The following DOCK8 variants were observed in gnomAD, a reference collection of about 807,000 sequenced individuals.
The protein encoded by DOCK8 is dedicator of cytokinesis 8, also known as dedicator of cytokinesis protein 8.
DOCK8 carries 141 observed loss-of-function variants against 245.6 expected under a neutral mutation model. The observed-to-expected ratio is 0.57, with a 90% CI of 0.50 to 0.66. DOCK8 has a LOEUF of 0.66. Ranked by LOEUF, DOCK8 falls within the 30% of genes least tolerant of loss-of-function variation. The pLI is 0.00. For missense variants in DOCK8, 2,965 were observed against 2,603.4 expected, an observed-to-expected ratio of 1.14 and a Z score of -3.02; for synonymous variants, 1,168 against 970.2, an observed-to-expected ratio of 1.20 and a Z score of -3.79.
At chr9:281,292 T>A (rs2048572585) in intron 2 of DOCK8, among the ~76,000 whole-genome samples, 1 of 152,228 alleles carries the variant, frequency 6.6e-6, no homozygotes. Context: ...TGATTTTTTC[T>A]TATGTTATTA....
At chr9:385,479 C>G (rs1266664501) in intron 22 of DOCK8, among the ~76,000 whole-genome samples, 1 of 152,176 alleles carries the variant, frequency 6.6e-6, no homozygotes, top group East Asian at 1.9e-4. Context: ...TAGTCCCTTC[C>G]TAATAATTTC....
chr9:313,681 G>A (rs1401025079), intron 6 of DOCK8, among the ~76,000 whole-genome samples: 1 of 152,136 alleles, frequency 6.6e-6, no homozygotes, highest in African/African-American at 2.4e-5. Flanking sequence ...GTGACCTATC[G>A]CACTGCACAG....
At chr9:290,897 G>T (rs2049010224) in intron 4 of DOCK8, among the ~76,000 whole-genome samples, 1 of 152,198 alleles carries the variant, frequency 6.6e-6, no homozygotes, top group Non-Finnish European at 1.5e-5. Context: ...AGGTTTTCTG[G>T]AGTAATGTCA....
At chr9:445,633 G>C (rs1404520558) in intron 43 of DOCK8, among the ~76,000 whole-genome samples, 1 of 152,204 alleles carries the variant, frequency 6.6e-6, no homozygotes, top group Non-Finnish European at 1.5e-5. Flanking sequence ...GGTAGTCCAT[G>C]TTGCAATAGT....
chr9:451,221 G>C (rs997741274), intron 45 of DOCK8, among the ~76,000 whole-genome samples: 1 of 152,082 alleles, frequency 6.6e-6, no homozygotes, highest in African/African-American at 2.4e-5. Flanking sequence ...TGAGGCAGGA[G>C]AATCCCTTGA....
In DOCK8 at chr9:460,121, G is replaced by A. The variant is rs2057758089; in HGVS notation, c.6069-3396G>A. ...TTTAATTCTCCCAGCAACCCTAGGA[G>A]ATTATATGAGCTTATTATCCCCATT... On this transcript the variant is annotated intron_variant, in intron 46 of 47. Coordinates refer to ENST00000432829, the MANE Select transcript of DOCK8 (RefSeq NM_203447.4). 4 of 147,722 alleles carry A rather than the reference G, an allele frequency of 2.7e-5. No homozygotes were observed. In the Admixed American group the frequency reaches 2.8e-4, roughly 10 times the overall value. 9.2% of individuals were successfully genotyped at this position (147,722 alleles called of 1,614,324 possible).
intron 14 of DOCK8, among the ~76,000 whole-genome samples, chr9:345,116 A>G (rs1052611695): frequency 6.6e-5 from 10 of 152,150 alleles, no homozygotes; most frequent in African/African-American, 2.2e-4. Context: ...AGAAATCCAG[A>G]TTTCTTCTCA....
rs1044343888 is a variant in DOCK8 at position 261,025 on chromosome 9, G to A, written c.54-10602G>A. On this transcript the variant is annotated intron_variant, in intron 1 of 47. Coordinates refer to ENST00000432829, the MANE Select transcript of DOCK8 (RefSeq NM_203447.4). ...ATTATTACCCCGGGAGGCAGAGCTT[G>A]TAGTGAGCGGAGATCGTGCCACTGC... Among the ~76,000 whole-genome samples the A allele has an allele frequency of 3.3e-5, 5 of 151,390 alleles. No individual in the cohort carries two copies. The South Asian group carries it at 6.2e-4, about 19-fold the overall frequency.
At position 420,383 on chromosome 9, in the gene DOCK8, C is replaced by T; in HGVS notation, c.3841-18C>T. The T allele has an allele frequency of 6.2e-7, 1 of 1,614,038 alleles. No homozygotes were observed. Among genetic ancestry groups the T allele is most frequent in the Non-Finnish European group, 8.5e-7 (1 of 1,180,026 alleles). Reference sequence around the variant, plus strand: ...GACTTCTTCCCTGGCCTCCATCCCCCAATCTGCCTCCCTTCAGCCCTATAA... The same window carrying T: ...GACTTCTTCCCTGGCCTCCATCCCCTAATCTGCCTCCCTTCAGCCCTATAA... On this transcript the variant is annotated intron_variant, in intron 30 of 47. Transcript: ENST00000432829.
At chr9:450,998 T>G (rs765771607) in intron 45 of DOCK8, among the ~76,000 whole-genome samples, 1 of 151,998 alleles carries the variant, frequency 6.6e-6, no homozygotes, top group Non-Finnish European at 1.5e-5. Flanking sequence ...AAATCTATTA[T>G]TAGTAGTATT....
At chr9:302,802 A>G (rs1442366891) in intron 4 of DOCK8, among the ~76,000 whole-genome samples, 1 of 152,158 alleles carries the variant, frequency 6.6e-6, no homozygotes, top group Non-Finnish European at 1.5e-5. Flanking sequence ...GTGTGATACC[A>G]ACTCACAACA....
chr9:271,536 G>A (rs140199401), intron 1 of DOCK8, 91 bp from the exon 2 acceptor site: 43 of 1,063,270 alleles, frequency 4.0e-5, no homozygotes, highest in African/African-American at 7.9e-5. Context: ...CAAGGCCTAC[G>A]TTTTATAACA....
In DOCK8 at chr9:399,193, G is replaced by C; in HGVS notation, c.3168G>C (p.Leu1056Phe). 3 of 1,614,074 alleles carry C rather than the reference G, an allele frequency of 1.9e-6. No homozygotes were observed. Among genetic ancestry groups the C allele is most frequent in the Non-Finnish European group, 2.5e-6 (3 of 1,180,016 alleles). ...TGAACATCAGCCTGGCTTTCTTCTT[G>C]TATGACCTTCTCTCCCTCATGGATC... ...EKMNISLAFFLYDLLSLMDRG... is the reference protein window; with the variant it reads ...EKMNISLAFFFYDLLSLMDRG... Residue 1056 changes from leucine to phenylalanine, a missense_variant, in exon 26 of 48, where the codon TTG becomes TTC. By Grantham distance (22) the Leu-to-Phe change is conservative (BLOSUM62 0). Transcript: ENST00000432829.
chr9:388,146 G>C (rs1037880263), intron 23 of DOCK8, among the ~76,000 whole-genome samples: 1 of 152,128 alleles, frequency 6.6e-6, no homozygotes, highest in Non-Finnish European at 1.5e-5. Context: ...GACCTTTGAA[G>C]CTGGGGGAGC....
chr9:264,435 G>C (rs1326953964), intron 1 of DOCK8, among the ~76,000 whole-genome samples: 34 of 152,166 alleles, frequency 2.2e-4, no homozygotes. Context: ...TTGTAGTCAT[G>C]TTTCCACCTG....
chr9:410,031 C>T (rs941618815), intron 28 of DOCK8, among the ~76,000 whole-genome samples: 7 of 152,150 alleles, frequency 4.6e-5, no homozygotes, highest in African/African-American at 1.4e-4. Flanking sequence ...GCTATAAAGA[C>T]ATATGCACAC....
At chr9:249,465 CT>C (rs1175497585) in intron 1 of DOCK8, among the ~76,000 whole-genome samples, 1 of 152,152 alleles carries the variant, frequency 6.6e-6, no homozygotes, top group Non-Finnish European at 1.5e-5. Flanking sequence ...ACTGGCATTT[CT>C]TCTTCATTCC....
chr9:449,067 G>C (rs1439684434), intron 44 of DOCK8, among the ~76,000 whole-genome samples: 2 of 152,206 alleles, frequency 1.3e-5, no homozygotes, highest in African/African-American at 4.8e-5. Context: ...TGAGTAACAT[G>C]AGGCTGTGTG....
intron 4 of DOCK8, among the ~76,000 whole-genome samples, chr9:290,775 C>G (rs934239158): frequency 6.6e-6 from 1 of 152,130 alleles, no homozygotes; most frequent in African/African-American, 2.4e-5. Flanking sequence ...TTCTGATAGC[C>G]TCACTCCTCC....
Sources: gnomAD v4.1 joint callset for allele counts (sites outside exome capture counted in the v4.1 genomes callset) on GRCh38, gnomAD v4.1.1 for gene constraint, MANE v1.5 for transcripts, NCBI Gene and HGNC (gene_info 2026-07-23, HGNC 2026-07-21) for gene names.